Variants in TRHDE observed in about 807,000 individuals in gnomAD.
TRHDE encodes the protein thyrotropin releasing hormone degrading enzyme.
A neutral mutation model predicts 125.7 loss-of-function variants in TRHDE; 72 were observed. The observed-to-expected ratio is 0.57, with a 90% CI of 0.47 to 0.70. TRHDE has a LOEUF of 0.70. Ranked by LOEUF, TRHDE falls within the 30% of genes least tolerant of loss-of-function variation. The pLI, the probability that TRHDE is intolerant of heterozygous loss-of-function variation, is 0.00. For synonymous variants in TRHDE, 509 were observed against 509.1 expected (o/e 1.00, Z 0.00); for missense variants, 1,110 against 1,327.1 (o/e 0.84, Z 2.54).
intron 1 of TRHDE, among the ~76,000 whole-genome samples, chr12:72,281,408 G>A (rs1268267962): frequency 6.6e-6 from 1 of 152,158 alleles, no homozygotes; most frequent in South Asian, 2.1e-4. Flanking sequence ...CCTTGTAACA[G>A]TCCGCTTACT....
chr12:72,246,438 TATG>T (rs1320669257), intron 2 of TRHDE, among the ~76,000 whole-genome samples: 15 of 152,222 alleles, frequency 9.9e-5, no homozygotes, highest in Non-Finnish European at 4.4e-5. Flanking sequence ...ATTATTTGGA[TATG>T]ATTTTTGATT....
chr12:72,133,098 G>A (rs1875901394), intron 2 of TRHDE, among the ~76,000 whole-genome samples: 2 of 152,164 alleles, frequency 1.3e-5, no homozygotes, highest in South Asian at 4.2e-4. Flanking sequence ...GGCCAGTGGG[G>A]AGACATTGAA....
chr12:72,448,839 T>A (rs745591191), intron 3 of TRHDE, among the ~76,000 whole-genome samples: 46 of 152,068 alleles, frequency 3.0e-4, no homozygotes, highest in African/African-American at 7.0e-4. Context: ...TTTTTACTTT[T>A]TTTTTTTGTA....
intron 2 of TRHDE, among the ~76,000 whole-genome samples, chr12:72,327,762 A>C (rs1260254881): frequency 1.3e-5 from 2 of 152,184 alleles, no homozygotes; most frequent in Non-Finnish European, 2.9e-5. Flanking sequence ...TTAAAAGAAA[A>C]AAAGATGTAA....
chr12:72,447,113 GAAGTA>G lies in TRHDE; in HGVS notation c.1316-22641_1316-22637del, dbSNP rs1214890521. On this transcript the variant is annotated intron_variant, in intron 3 of 18. Transcript: ENST00000261180. The stretch of plus-strand genomic sequence containing the variant: ...TATTCCGAAATTGACCACATAGTTG[GAAGTA>G]AAGCCCTCCTCAGCAAATGTAAAAG... 3.9e-5 allele frequency among the ~76,000 whole-genome samples: 6 copies of G among 152,198 alleles called. No homozygotes were observed. The East Asian group carries it at 1.2e-3, about 29-fold the overall frequency.
At chr12:72,593,802 G>A (rs1871800552) in intron 12 of TRHDE, among the ~76,000 whole-genome samples, 2 of 152,168 alleles carry the variant, frequency 1.3e-5, no homozygotes, top group Non-Finnish European at 2.9e-5. Context: ...TGCTCAAAAT[G>A]ATGGTTTCCA....
At chr12:72,642,141 G>A (rs550459044) in intron 15 of TRHDE, among the ~76,000 whole-genome samples, 1 of 152,276 alleles carries the variant, frequency 6.6e-6, no homozygotes, top group African/African-American at 2.4e-5. Context: ...CCAGTGCTGT[G>A]AGAAATAAAT....
chr12:72,125,565 T>C (rs565804619), intron 2 of TRHDE, among the ~76,000 whole-genome samples: 1 of 152,238 alleles, frequency 6.6e-6, no homozygotes, highest in Non-Finnish European at 1.5e-5. Flanking sequence ...ATGTATTTAA[T>C]GTATTCCTTC....
At chr12:72,233,264 A>G (rs1196128157) in intron 2 of TRHDE, among the ~76,000 whole-genome samples, 1 of 152,182 alleles carries the variant, frequency 6.6e-6, no homozygotes, top group African/African-American at 2.4e-5. Flanking sequence ...TGAATCAAGA[A>G]TTAGGCAAGA....
intron 3 of TRHDE, among the ~76,000 whole-genome samples, chr12:72,447,076 C>G (rs1361070985): frequency 5.3e-5 from 8 of 152,184 alleles, no homozygotes; most frequent in African/African-American, 1.9e-4. Flanking sequence ...CTTCTCAGCA[C>G]TGCATCGCAC....
At chr12:72,126,008 C>G (rs913347910) in intron 2 of TRHDE, among the ~76,000 whole-genome samples, 3 of 152,140 alleles carry the variant, frequency 2.0e-5, no homozygotes, top group Admixed American at 2.0e-4. Flanking sequence ...AAACAAAACA[C>G]AGAACCCTGG....
chr12:72,557,484 T>C (rs1170203163), intron 7 of TRHDE, among the ~76,000 whole-genome samples: 2 of 152,214 alleles, frequency 1.3e-5, no homozygotes, highest in African/African-American at 4.8e-5. Context: ...ATATGGTTTT[T>C]ATGGAATCAT....
chr12:72,486,351 G>T (rs1431910759), intron 5 of TRHDE, among the ~76,000 whole-genome samples: 1 of 152,118 alleles, frequency 6.6e-6, no homozygotes, highest in Non-Finnish European at 1.5e-5. Flanking sequence ...GATCACCTGT[G>T]CTTTGACTCC....
At chr12:72,247,633 T>C (rs997557581) in intron 2 of TRHDE, among the ~76,000 whole-genome samples, 14 of 152,204 alleles carry the variant, frequency 9.2e-5, no homozygotes, top group Non-Finnish European at 1.6e-4. Flanking sequence ...TTTTTCATTA[T>C]AGACACTCAA....
chr12:72,538,410 G>C (rs1035416474), intron 6 of TRHDE, among the ~76,000 whole-genome samples: 1 of 151,826 alleles, frequency 6.6e-6, no homozygotes, highest in African/African-American at 2.4e-5. Flanking sequence ...TTTCTTCGTT[G>C]ATTTCAATGG....
intron 2 of TRHDE, among the ~76,000 whole-genome samples, chr12:72,205,061 T>C (rs1877636410): frequency 6.6e-6 from 1 of 152,216 alleles, no homozygotes; most frequent in Non-Finnish European, 1.5e-5. Flanking sequence ...GGAAAAGATG[T>C]TATTGTCCTT....
intron 3 of TRHDE, among the ~76,000 whole-genome samples, chr12:72,431,153 G>A (rs1446473012): frequency 6.6e-6 from 1 of 151,884 alleles, no homozygotes; most frequent in Non-Finnish European, 1.5e-5. Flanking sequence ...TTGTTTTTTA[G>A]TGAATTTCTT....
chr12:72,097,051 C>A (rs1156537951), intron 1 of TRHDE, among the ~76,000 whole-genome samples: 1 of 152,192 alleles, frequency 6.6e-6, no homozygotes. Context: ...ATCATATGCC[C>A]ACCTTCATAC....
intron 2 of TRHDE, among the ~76,000 whole-genome samples, chr12:72,344,619 C>T (rs1056604592): frequency 6.6e-6 from 1 of 152,080 alleles, no homozygotes; most frequent in Admixed American, 6.6e-5. Context: ...TTGGCAAGAA[C>T]AATTGTGCAG....
Sources: gnomAD v4.1 joint callset for allele counts (sites outside exome capture counted in the v4.1 genomes callset) on GRCh38, gnomAD v4.1.1 for gene constraint, MANE v1.5 for transcripts, NCBI Gene and HGNC (gene_info 2026-07-23, HGNC 2026-07-21) for gene names.